The following BMPR1B variants were observed in gnomAD, a reference collection of about 807,000 sequenced individuals.
The protein encoded by BMPR1B is bone morphogenetic protein receptor type 1B.
BMPR1B carries 12 observed loss-of-function variants against 59.1 expected under a neutral mutation model. That is an observed-to-expected ratio of 0.20 (90% CI 0.13 to 0.33). The LOEUF is 0.33. BMPR1B is among the 10% of genes least tolerant of loss of function. The probability of loss-of-function intolerance (pLI) is 1.00; values close to 1 mark genes in which losing one functional copy is unlikely to be tolerated. For synonymous variants in BMPR1B, 237 were observed against 207.3 expected (o/e 1.14, Z -1.23); for missense variants, 550 against 610.9 (o/e 0.90, Z 1.05).
At chr4:94,758,975 T>TG (rs1392621928) in intron 1 of BMPR1B, among the ~76,000 whole-genome samples, 2 of 152,146 alleles carry the variant, frequency 1.3e-5, no homozygotes, top group Non-Finnish European at 2.9e-5. Context: ...CTGGCTCCCC[T>TG]GTCTCTTGCT....
intron 3 of BMPR1B, among the ~76,000 whole-genome samples, chr4:95,082,920 C>T (rs1240188272): frequency 6.6e-6 from 1 of 151,168 alleles, no homozygotes; most frequent in Non-Finnish European, 1.5e-5. Flanking sequence ...CGCCTGTAGT[C>T]CCAGCTACTC....
rs578185307 is a variant in BMPR1B, at chr4:94,800,971, T to C, written c.-183+42903T>C. Among the ~76,000 whole-genome samples, 54 of 152,252 alleles carry C rather than the reference T, an allele frequency of 3.5e-4. 1 individual carries two copies. The South Asian group carries it at 0.011, about 31-fold the overall frequency. ...AAAGAAGAGATGGGTATAGGTAGATTAGTCAGAGGAGGATTACAGGATAAG... is the reference window on the plus strand; with the variant it reads ...AAAGAAGAGATGGGTATAGGTAGATCAGTCAGAGGAGGATTACAGGATAAG... On this transcript the variant is annotated intron_variant, in intron 1 of 12. Transcript: ENST00000515059.
At chr4:95,104,714 A>G (rs2149265783) in intron 4 of BMPR1B, 147 bp downstream of exon 4, 1 of 1,082,758 alleles carries the variant, frequency 9.2e-7, no homozygotes. Context: ...CTTGTATTAG[A>G]GAAATATTGA....
chr4:94,966,061 C>T (rs946016982), intron 2 of BMPR1B, among the ~76,000 whole-genome samples: 1 of 152,092 alleles, frequency 6.6e-6, no homozygotes, highest in Non-Finnish European at 1.5e-5. Context: ...CTTTGCATAC[C>T]CTTAGTTTAA....
intron 2 of BMPR1B, among the ~76,000 whole-genome samples, chr4:94,891,540 G>A (rs765604968): frequency 8.6e-5 from 13 of 152,000 alleles, no homozygotes; most frequent in Non-Finnish European, 1.3e-4. Flanking sequence ...CGGTACTAGT[G>A]GTTTTTGAAG....
At position 94,947,149 on chromosome 4, in the gene BMPR1B, C is replaced by T. The variant is rs1025912287; in HGVS notation, c.-112-48891C>T. 1.3e-4 allele frequency among the ~76,000 whole-genome samples: 20 copies of T among 152,186 alleles called. No individual in the cohort carries two copies. In the South Asian group the frequency reaches 2.1e-3, roughly 16 times the overall value. ...AATTTTAGTAAAACGGATGTGAGGTCGTGATTTGTGTGTTTTTGTGATTCA... is the reference window on the plus strand; with the variant it reads ...AATTTTAGTAAAACGGATGTGAGGTTGTGATTTGTGTGTTTTTGTGATTCA... On this transcript the variant is annotated intron_variant, in intron 2 of 12. Coordinates refer to ENST00000515059, the MANE Select transcript of BMPR1B (RefSeq NM_001203.3).
At chr4:95,012,535 G>A (rs1348827311) in intron 3 of BMPR1B, among the ~76,000 whole-genome samples, 2 of 152,084 alleles carry the variant, frequency 1.3e-5, no homozygotes, top group Non-Finnish European at 2.9e-5. Context: ...CTAATCTTAA[G>A]CATTTGTACT....
intron 3 of BMPR1B, among the ~76,000 whole-genome samples, chr4:95,074,443 C>T (rs1728549899): frequency 1.3e-5 from 2 of 152,154 alleles, no homozygotes; most frequent in Admixed American, 1.3e-4. Flanking sequence ...TTGTTTTCTC[C>T]TTACTCGGGG....
intron 2 of BMPR1B, among the ~76,000 whole-genome samples, chr4:94,888,778 A>G (rs1387053742): frequency 6.6e-6 from 1 of 152,060 alleles, no homozygotes; most frequent in Non-Finnish European, 1.5e-5. Context: ...ATTTTGTTGT[A>G]TGATTATTTA....
At chr4:94,893,185 A>G (rs556494367) in intron 2 of BMPR1B, among the ~76,000 whole-genome samples, 172 of 152,242 alleles carry the variant, frequency 1.1e-3, no homozygotes, top group African/African-American at 3.7e-3. Flanking sequence ...ACATGAAAAG[A>G]TTAAAAAATG....
At chr4:94,761,713 G>A (rs545321066) in intron 1 of BMPR1B, among the ~76,000 whole-genome samples, 1 of 152,204 alleles carries the variant, frequency 6.6e-6, no homozygotes, top group African/African-American at 2.4e-5. Context: ...ATCATTTTTA[G>A]CTTTTAAATA....
intron 1 of BMPR1B, among the ~76,000 whole-genome samples, chr4:94,851,763 G>A (rs17022348): frequency 0.013 from 1,948 of 152,022 alleles, 44 homozygotes; most frequent in African/African-American, 0.044. Flanking sequence ...TCATTATAAA[G>A]CGTATAGGTT....
intron 4 of BMPR1B, among the ~76,000 whole-genome samples, chr4:95,108,912 A>G (rs1253580325): frequency 6.6e-6 from 1 of 152,030 alleles, no homozygotes; most frequent in Non-Finnish European, 1.5e-5. Context: ...CTTGAGTGCT[A>G]TAGTTTCCTT....
intron 2 of BMPR1B, among the ~76,000 whole-genome samples, chr4:94,957,965 AACTG>A (rs1417244928): frequency 2.6e-5 from 4 of 152,180 alleles, no homozygotes; most frequent in Admixed American, 2.0e-4. Context: ...TAACTTTGGA[AACTG>A]ACTACTATAT....
At chr4:95,070,306 G>A (rs1419689397) in intron 3 of BMPR1B, among the ~76,000 whole-genome samples, 1 of 152,068 alleles carries the variant, frequency 6.6e-6, no homozygotes, top group African/African-American at 2.4e-5. Context: ...AGAAAAATAT[G>A]GAAGATTAAA....
At chr4:94,992,591 T>C (rs1721820644) in intron 2 of BMPR1B, among the ~76,000 whole-genome samples, 1 of 152,198 alleles carries the variant, frequency 6.6e-6, no homozygotes, top group Non-Finnish European at 1.5e-5. Context: ...CAAAGCCCCT[T>C]TTGGACAGTC....
intron 2 of BMPR1B, among the ~76,000 whole-genome samples, chr4:94,984,507 T>A (rs1451020762): frequency 1.3e-5 from 2 of 152,178 alleles, no homozygotes; most frequent in Non-Finnish European, 2.9e-5. Context: ...TAAATACTAC[T>A]TAGGATTGCC....
chr4:95,034,591 A>G (rs1167045910), intron 3 of BMPR1B, among the ~76,000 whole-genome samples: 2 of 151,850 alleles, frequency 1.3e-5, no homozygotes, highest in Non-Finnish European at 2.9e-5. Context: ...CATCCAGATT[A>G]CTGTGAATGC....
chr4:94,900,397 T>C (rs1727765445), intron 2 of BMPR1B, among the ~76,000 whole-genome samples: 2 of 151,456 alleles, frequency 1.3e-5, no homozygotes, highest in South Asian at 2.1e-4. Context: ...TACATGTTAA[T>C]CAGAGTGTTA....
Sources: gnomAD v4.1 joint callset for allele counts (sites outside exome capture counted in the v4.1 genomes callset) on GRCh38, gnomAD v4.1.1 for gene constraint, MANE v1.5 for transcripts, NCBI Gene and HGNC (gene_info 2026-07-23, HGNC 2026-07-21) for gene names.